Variants in PTPRG observed in about 807,000 individuals in gnomAD.
PTPRG encodes receptor-type tyrosine-protein phosphatase gamma.
A neutral mutation model predicts 165.3 loss-of-function variants in PTPRG; 102 were observed. The ratio of observed to expected loss-of-function variants is 0.62; its 90% CI spans 0.53 to 0.73. The LOEUF is 0.73. Among genes scored for constraint, PTPRG ranks in the 30% least tolerant of loss-of-function variants. The pLI is 0.00. For synonymous variants in PTPRG, 675 were observed against 669.5 expected (o/e 1.01, Z -0.13); for missense variants, 1,866 against 1,861.4 (o/e 1.00, Z -0.05).
intron 6 of PTPRG, among the ~76,000 whole-genome samples, chr3:62,147,480 A>G (rs1704164058): frequency 6.6e-6 from 1 of 151,326 alleles, no homozygotes; most frequent in Non-Finnish European, 1.5e-5. Flanking sequence ...CAATTCTGCG[A>G]CTCTCATGTC....
chr3:61,840,797 T>TTA (rs1429364542), intron 2 of PTPRG, among the ~76,000 whole-genome samples: 43 of 148,396 alleles, frequency 2.9e-4, no homozygotes, highest in African/African-American at 1.0e-3. Context: ...TTTTTTTTTT[T>TTA]TTTTGAGATG....
At chr3:61,567,432 C>T (rs970949464) in intron 1 of PTPRG, among the ~76,000 whole-genome samples, 15 of 152,222 alleles carry the variant, frequency 9.9e-5, no homozygotes, top group South Asian at 4.1e-4. Context: ...AATCACAGTG[C>T]TTTGGGAGGC....
Position 62,293,416 on chromosome 3 carries a change from C to A in PTPRG, c.*109C>A. 1 of 977,564 alleles carries A rather than the reference C, an allele frequency of 1.0e-6. No homozygotes were observed. The highest frequency in any genetic ancestry group is 1.4e-6 in the Non-Finnish European group (1 of 693,858). The allele number at this position is 977,564 out of a possible 1,614,324, so 60.6% of individuals were successfully genotyped here. On this transcript the variant is annotated 3_prime_UTR_variant, in exon 30 of 30. Coordinates refer to ENST00000474889, the MANE Select transcript of PTPRG (RefSeq NM_002841.4). ...ATACAATAACCCAGTTACTTTTTTA[C>A]ACTGATAAAAGTTTTGATATTTATT...
At chr3:61,906,369 T>C (rs898117744) in intron 2 of PTPRG, among the ~76,000 whole-genome samples, 1 of 151,536 alleles carries the variant, frequency 6.6e-6, no homozygotes, top group East Asian at 1.9e-4. Context: ...GGCAGGAGAA[T>C]CATGTGAACT....
At chr3:61,677,244 C>CAA (rs11426161) in intron 1 of PTPRG, among the ~76,000 whole-genome samples, 1,746 of 71,434 alleles carry the variant, frequency 0.024, 80 homozygotes, top group African/African-American at 0.071. Context: ...GACTCCGTCT[C>CAA]AAAAAAAAAA....
chr3:62,005,670 G>A (rs1171478956), intron 4 of PTPRG, among the ~76,000 whole-genome samples: 1 of 138,256 alleles, frequency 7.2e-6, no homozygotes, highest in African/African-American at 2.7e-5. Flanking sequence ...TGGGAATAAC[G>A]TATCAAAGAC....
intron 8 of PTPRG, among the ~76,000 whole-genome samples, chr3:62,185,850 G>C (rs1705859244): frequency 6.6e-6 from 1 of 152,178 alleles, no homozygotes; most frequent in Admixed American, 6.5e-5. Flanking sequence ...ATAATTGCTA[G>C]ACCCTAGTCA....
intron 4 of PTPRG, among the ~76,000 whole-genome samples, chr3:62,066,348 C>T (rs1260012812): frequency 6.6e-6 from 1 of 152,158 alleles, no homozygotes; most frequent in East Asian, 1.9e-4. Flanking sequence ...GATTTATAAC[C>T]TTTTATTTGT....
At position 61,748,978 on chromosome 3, in the gene PTPRG, C is replaced by G; in HGVS notation, c.186C>G (p.Tyr62Ter). 6.2e-7 allele frequency: 1 copy of G among 1,610,812 alleles called. No individual in the cohort carries two copies. The highest frequency in any genetic ancestry group is 8.5e-7 in the Non-Finnish European group (1 of 1,178,142). ...RKASGDPYWA[Y>*]SGAYGPEHWV... ...CTTCAGGCGACCCGTACTGGGCCTA[C>G]TCTGGTAAGTCCAGTTGTTCTAATG... Residue 62 changes from tyrosine to a stop codon, truncating the protein, a stop_gained, in exon 2 of 30, where the codon TAC becomes TAG. Transcript: ENST00000474889. LOFTEE classifies it high-confidence loss of function.
intron 1 of PTPRG, among the ~76,000 whole-genome samples, chr3:61,601,199 T>C (rs1700857257): frequency 6.6e-6 from 1 of 152,204 alleles, no homozygotes; most frequent in Middle Eastern, 3.2e-3. Flanking sequence ...GAGGTTGCAG[T>C]GAGCTGAGAT....
At chr3:61,943,194 TA>T (rs1559703838) in intron 2 of PTPRG, among the ~76,000 whole-genome samples, 2 of 152,182 alleles carry the variant, frequency 1.3e-5, no homozygotes, top group East Asian at 3.8e-4. Flanking sequence ...GGAATTGCAT[TA>T]GGGGTTGGAG....
rs139975049 is a variant in PTPRG at position 61,589,076 on chromosome 3, C to T, written c.85+26704C>T. Among the ~76,000 whole-genome samples, 590 of 152,282 alleles carry T rather than the reference C, an allele frequency of 3.9e-3. 4 individuals are homozygous for T. Among genetic ancestry groups the T allele is most frequent in the African/African-American group, 0.014 (575 of 41,550 alleles). ...CTAGCAAGCTAAGAATATTTTGCTA[C>T]ATTTTTAATTGTTGAAAATAATTAA... On this transcript the variant is annotated intron_variant, in intron 1 of 29. Transcript: ENST00000474889.
At position 62,168,171 on chromosome 3, in the gene PTPRG, T is replaced by C; in HGVS notation, c.1033+8T>C. 1 of 1,601,428 alleles carries C rather than the reference T, an allele frequency of 6.2e-7. No homozygotes were observed. The highest frequency in any genetic ancestry group is 1.1e-5 in the South Asian group (1 of 89,138). On this transcript the variant is annotated splice_region_variant and intron_variant, in intron 8 of 29. Coordinates refer to ENST00000474889, the MANE Select transcript of PTPRG (RefSeq NM_002841.4). ...GGACAGAAGCCTCTAAAGGTATATT[T>C]GGCTTAAGTGCCTTGCCCAGAGGAA... is the stretch of plus-strand genomic sequence containing the variant.
intron 1 of PTPRG, among the ~76,000 whole-genome samples, chr3:61,626,031 C>T (rs77002483): frequency 4.9e-5 from 2 of 40,660 alleles, no homozygotes; most frequent in East Asian, 4.2e-4. Context: ...TTTGGGGGGG[C>T]GGGAGAGATC....
intron 1 of PTPRG, among the ~76,000 whole-genome samples, chr3:61,613,732 T>A (rs964707307): frequency 1.3e-5 from 2 of 152,116 alleles, no homozygotes; most frequent in Non-Finnish European, 1.5e-5. Context: ...ATTATTAGGT[T>A]ACTGAAGACC....
At chr3:61,913,989 A>G (rs935612266) in intron 2 of PTPRG, among the ~76,000 whole-genome samples, 5 of 152,184 alleles carry the variant, frequency 3.3e-5, no homozygotes, top group African/African-American at 9.7e-5. Flanking sequence ...TTTCAGTGTT[A>G]TAACAAAAGG....
intron 2 of PTPRG, among the ~76,000 whole-genome samples, chr3:61,920,568 G>C (rs1303854700): frequency 6.6e-6 from 1 of 152,060 alleles, no homozygotes; most frequent in African/African-American, 2.4e-5. Context: ...GCTAATTTTT[G>C]TATTTTTAGT....
intron 1 of PTPRG, among the ~76,000 whole-genome samples, chr3:61,705,827 C>T (rs960526373): frequency 6.6e-6 from 1 of 152,132 alleles, no homozygotes; most frequent in Non-Finnish European, 1.5e-5. Flanking sequence ...CCGTGAGGTG[C>T]CCTCTTCAAT....
chr3:61,892,206 T>G (rs2038233780), intron 2 of PTPRG, among the ~76,000 whole-genome samples: 1 of 152,128 alleles, frequency 6.6e-6, no homozygotes, highest in Non-Finnish European at 1.5e-5. Context: ...AGAAACTAGG[T>G]TTCCAGCCCA....
Sources: allele counts gnomAD v4.1 joint callset (sites outside exome capture counted in the v4.1 genomes callset), GRCh38; gene constraint gnomAD v4.1.1; transcripts MANE v1.5; gene names NCBI Gene and HGNC (gene_info 2026-07-23, HGNC 2026-07-21).